Variants in CEP112 observed in about 807,000 individuals in gnomAD.
CEP112 encodes the protein centrosomal protein 112, also known as centrosomal protein of 112 kDa.
A neutral mutation model predicts 153.0 loss-of-function variants in CEP112; 127 were observed. That is an observed-to-expected ratio of 0.83 (90% CI 0.72 to 0.96). The LOEUF is 0.96. Ranked by LOEUF, CEP112 falls within the 40% of genes least tolerant of loss-of-function variation. CEP112 has a pLI of 0.00. For synonymous variants in CEP112, 358 were observed against 374.4 expected (o/e 0.96, Z 0.51); for missense variants, 1,089 against 1,101.2 (o/e 0.99, Z 0.16).
At position 66,027,527 on chromosome 17, in the gene CEP112, G is replaced by C. The variant is rs377090069; in HGVS notation, c.1630C>G (p.His544Asp). Residue 544 changes from histidine to aspartate, a missense_variant, in exon 16 of 27, where the codon CAT (histidine) becomes GAT (aspartate). His to Asp is a moderately conservative substitution (Grantham distance 81, BLOSUM62 -1). Transcript: ENST00000535342. Reference sequence around the variant, plus strand: ...TTTTTTTCATAGATGTGTTTTAAATGACTTTTCTCCATCTGAAACTTATTT... The same window carrying C: ...TTTTTTTCATAGATGTGTTTTAAATCACTTTTCTCCATCTGAAACTTATTT... ...QENKFQMEKS[H>D]LKHIYEKKAH... The C allele has an allele frequency of 6.3e-5, 83 of 1,317,166 alleles. No individual in the cohort carries two copies. The highest frequency in any genetic ancestry group is 7.8e-5 in the Non-Finnish European group (77 of 986,928). 81.6% of individuals were successfully genotyped at this position (1,317,166 alleles called of 1,614,324 possible).
At chr17:65,923,370 C>G (rs2060801689) in intron 19 of CEP112, among the ~76,000 whole-genome samples, 1 of 151,972 alleles carries the variant, frequency 6.6e-6, no homozygotes, top group Non-Finnish European at 1.5e-5. Context: ...ATTTATTACC[C>G]ACTTAAAATG....
intron 20 of CEP112, among the ~76,000 whole-genome samples, chr17:65,884,706 C>CTTTTTTT (rs11370374): frequency 1.5e-5 from 2 of 130,650 alleles, no homozygotes; most frequent in Non-Finnish European, 3.1e-5. Flanking sequence ...TTTGTAGTTT[C>CTTTTTTT]TTTTTTTTTT....
intron 19 of CEP112, among the ~76,000 whole-genome samples, chr17:65,909,955 T>C (rs529793200): frequency 1.6e-4 from 24 of 152,172 alleles, no homozygotes; most frequent in Non-Finnish European, 2.9e-4. Flanking sequence ...GGTGGAAGAA[T>C]AGGAGGACAA....
At chr17:66,032,475 T>C (rs2065531191) in intron 12 of CEP112, among the ~76,000 whole-genome samples, 1 of 152,154 alleles carries the variant, frequency 6.6e-6, no homozygotes, top group Non-Finnish European at 1.5e-5. Context: ...AGGCTTTCAG[T>C]TGAGACCTGT....
chr17:65,649,153 A>G (rs1048952831), intron 24 of CEP112, among the ~76,000 whole-genome samples: 1 of 151,960 alleles, frequency 6.6e-6, no homozygotes, highest in African/African-American at 2.4e-5. Flanking sequence ...TGTCAAAACC[A>G]TGTCAAATAT....
chr17:65,666,298 T>TC (rs1031733692), intron 24 of CEP112, among the ~76,000 whole-genome samples: 6 of 152,232 alleles, frequency 3.9e-5, no homozygotes, highest in Non-Finnish European at 8.8e-5. Flanking sequence ...ATGGACCTTC[T>TC]CCATTGCTGG....
chr17:65,906,597 A>G (rs1284648329), intron 19 of CEP112, among the ~76,000 whole-genome samples: 1 of 152,182 alleles, frequency 6.6e-6, no homozygotes, highest in Non-Finnish European at 1.5e-5. Context: ...GTGAATTTAT[A>G]TTTATTTAAA....
chr17:66,000,381 T>G (rs1056457945), intron 17 of CEP112, among the ~76,000 whole-genome samples: 2 of 151,964 alleles, frequency 1.3e-5, no homozygotes, highest in African/African-American at 4.8e-5. Context: ...GTTTGTGGTT[T>G]TATTGTATCA....
At chr17:65,927,382 AAC>A (rs1198449968) in intron 19 of CEP112, among the ~76,000 whole-genome samples, 198 bp downstream of exon 19, 2 of 152,218 alleles carry the variant, frequency 1.3e-5, no homozygotes. Flanking sequence ...AGATAAAACA[AAC>A]AGTCAGAATA....
At chr17:66,033,726 C>T (rs954630173) in intron 12 of CEP112, among the ~76,000 whole-genome samples, 3 of 152,116 alleles carry the variant, frequency 2.0e-5, no homozygotes, top group African/African-American at 7.2e-5. Context: ...GGCCTCTTAC[C>T]CTTTCTTTTG....
intron 23 of CEP112, among the ~76,000 whole-genome samples, chr17:65,708,517 G>A (rs2049021015): frequency 1.3e-5 from 2 of 152,074 alleles, no homozygotes; most frequent in Non-Finnish European, 1.5e-5. Flanking sequence ...TATGAAACTG[G>A]CACGTTGGCT....
chr17:65,758,518 AT>A (rs1332028585), intron 21 of CEP112, among the ~76,000 whole-genome samples: 2 of 151,942 alleles, frequency 1.3e-5, no homozygotes, highest in Non-Finnish European at 2.9e-5. Context: ...TCATTCCTTC[AT>A]TTTCCATTTC....
intron 19 of CEP112, among the ~76,000 whole-genome samples, chr17:65,924,998 G>A (rs752429214): frequency 6.6e-5 from 10 of 151,778 alleles, no homozygotes; most frequent in Admixed American, 1.3e-4. Flanking sequence ...TACCTACACC[G>A]TCTTAACCTT....
At chr17:65,955,224 A>G (rs1293717375) in intron 18 of CEP112, among the ~76,000 whole-genome samples, 1 of 152,224 alleles carries the variant, frequency 6.6e-6, no homozygotes, top group Non-Finnish European at 1.5e-5. Flanking sequence ...TTCCTTAAAC[A>G]AAACAATTAT....
At chr17:65,848,838 A>C (rs962206856) in intron 21 of CEP112, among the ~76,000 whole-genome samples, 2 of 152,072 alleles carry the variant, frequency 1.3e-5, no homozygotes, top group Non-Finnish European at 2.9e-5. Context: ...TGATTTTCAA[A>C]TGTCCTCTTT....
At chr17:66,115,019 AC>A (rs1275018305) in intron 6 of CEP112, among the ~76,000 whole-genome samples, 1 of 152,138 alleles carries the variant, frequency 6.6e-6, no homozygotes, top group Non-Finnish European at 1.5e-5. Context: ...AGCCTGGCCA[AC>A]ATGGTGAAAC....
chr17:65,997,447 T>A (rs1460839396), intron 17 of CEP112, among the ~76,000 whole-genome samples: 1 of 152,158 alleles, frequency 6.6e-6, no homozygotes, highest in Non-Finnish European at 1.5e-5. Context: ...GAGTTTTAGC[T>A]ATTTCCAGAA....
At chr17:65,754,609 A>AATAAAATAACATAAAATAAG (rs538290057) in intron 21 of CEP112, among the ~76,000 whole-genome samples, 2,271 of 152,140 alleles carry the variant, frequency 0.015, 57 homozygotes, top group African/African-American at 0.052. Flanking sequence ...TGTCGCAAAA[A>AATAAAATAACATAAAATAAG]ATAAAATAAA....
intron 20 of CEP112, among the ~76,000 whole-genome samples, chr17:65,864,569 G>T (rs16962921): frequency 1.3e-5 from 2 of 152,128 alleles, no homozygotes; most frequent in Non-Finnish European, 2.9e-5. Flanking sequence ...ACTAACCTTT[G>T]GTCAGGCATT....
Sources: gnomAD v4.1 joint callset for allele counts (sites outside exome capture counted in the v4.1 genomes callset) on GRCh38, gnomAD v4.1.1 for gene constraint, MANE v1.5 for transcripts, NCBI Gene and HGNC (gene_info 2026-07-23, HGNC 2026-07-21) for gene names.